PPP1R18: variants seen among roughly 807,000 people sequenced by gnomAD.
PPP1R18 encodes the protein protein phosphatase 1 regulatory subunit 18, also known as phostensin.
Under a neutral mutation model 54.8 loss-of-function variants are expected in PPP1R18, and 31 were observed. The observed-to-expected ratio is 0.57, with a 90% CI of 0.43 to 0.76. The LOEUF is 0.76. PPP1R18 is among the 30% of genes least tolerant of loss of function. The pLI is 0.00. For synonymous variants in PPP1R18, 310 were observed against 320.2 expected (o/e 0.97, Z 0.34); for missense variants, 685 against 776.1 (o/e 0.88, Z 1.39).
At chr6:30,678,463 C>T (rs1433880847) in intron 2 of PPP1R18, among the ~76,000 whole-genome samples, 1 of 151,770 alleles carries the variant, frequency 6.6e-6, no homozygotes. Context: ...GCAAGCTCCG[C>T]CTCCCAGGTT....
At chr6:30,681,084 CAA>C (rs536726905) in intron 1 of PPP1R18, among the ~76,000 whole-genome samples, 929 of 76,524 alleles carry the variant, frequency 0.012, 8 homozygotes, top group South Asian at 0.08. Flanking sequence ...GACTCTGTCT[CAA>C]AAAAAAAAAA....
chr6:30,687,982 T>G (rs1771124583), upstream of PPP1R18: 1 of 152,278 alleles, frequency 6.6e-6, no homozygotes, highest in Non-Finnish European at 1.5e-5. This position sits in a 1 kb window ranked among gnomAD's most constrained non-coding sequence, Gnocchi z 7.9. Context: ...GCTCCCAGGC[T>G]CCCTCTGGCT....
chr6:30,682,425 C>T (rs576888246), intron 1 of PPP1R18, among the ~76,000 whole-genome samples: 1 of 152,212 alleles, frequency 6.6e-6, no homozygotes, highest in Admixed American at 6.5e-5. Flanking sequence ...AGCCTGCAAA[C>T]GAGTTATTTA....
Position 30,685,161 on chromosome 6 carries a change from C to G in PPP1R18, c.858G>C (p.Gly286=). ...CGRKEEWPVP[G]VAPKETAELS... Reference sequence around the variant, plus strand: ...GCTCTGCAGTCTCTTTTGGAGCTACCCCTGGAACTGGCCACTCTTCTTTTC... The same window carrying G: ...GCTCTGCAGTCTCTTTTGGAGCTACGCCTGGAACTGGCCACTCTTCTTTTC... The change falls in exon 1 of 3, where the codon GGG becomes GGC. Residue 286 remains glycine, a synonymous_variant. Transcript: ENST00000274853. This position sits in a 1 kb window ranked among gnomAD's most constrained non-coding sequence, Gnocchi z 5.0. The G allele has an allele frequency of 1.2e-6, 2 of 1,613,082 alleles. No homozygotes were observed. Among genetic ancestry groups the G allele is most frequent in the Middle Eastern group, 1.6e-4 (1 of 6,062 alleles).
chr6:30,680,813 C>T (rs1185414429), intron 1 of PPP1R18, among the ~76,000 whole-genome samples: 3 of 151,936 alleles, frequency 2.0e-5, no homozygotes, highest in South Asian at 2.1e-4. Context: ...AGGCTGGGCG[C>T]GGTGGTTCAT....
chr6:30,679,139 C>T (rs1770375279), intron 2 of PPP1R18, 40 bp downstream of exon 2: 1 of 1,565,100 alleles, frequency 6.4e-7, no homozygotes, highest in Non-Finnish European at 8.7e-7. Context: ...CCCGCTCTGA[C>T]AGCAGGGGGC....
In PPP1R18 at chr6:30,683,232, C is replaced by T. The variant is rs1481988198; in HGVS notation, c.1611+1176G>A. ...AGAATGAGACTGGGCTTCCCAGGCT[C>T]TGGGGAGATGTGTGTGACTGGAGGG... On this transcript the variant is annotated intron_variant, in intron 1 of 2. Transcript: ENST00000274853. The surrounding 1 kb of genome is among the most constrained non-coding windows in gnomAD (Gnocchi z 5.1). Among the ~76,000 whole-genome samples the T allele has an allele frequency of 1.3e-5, 2 of 152,220 alleles. No individual in the cohort carries two copies. Among genetic ancestry groups the T allele is most frequent in the East Asian group, 3.9e-4 (2 of 5,192 alleles).
chr6:30,679,479 G>A, intron 1 of PPP1R18, 90 bp from the exon 2 acceptor site: 2 of 403,754 alleles, frequency 5.0e-6, no homozygotes, highest in South Asian at 2.0e-5. Flanking sequence ...GGCGGGGGGG[G>A]CGGAGTCTGC....
chr6:30,677,177 T>C lies in PPP1R18; in HGVS notation c.*92A>G. Reference sequence around the variant, plus strand: ...TGTTGGTTGCCCTTCCCTGCCAGGCTCATTATCAGGGTCTGTCTGCCCTGA... The same window carrying C: ...TGTTGGTTGCCCTTCCCTGCCAGGCCCATTATCAGGGTCTGTCTGCCCTGA... On this transcript the variant is annotated 3_prime_UTR_variant, in exon 3 of 3. Transcript: ENST00000274853. 1.6e-6 allele frequency: 2 copies of C among 1,226,268 alleles called. No individual in the cohort carries two copies. Among genetic ancestry groups the C allele is most frequent in the Non-Finnish European group, 2.4e-6 (2 of 827,432 alleles). The allele number at this position is 1,226,268 out of a possible 1,614,324, so 76.0% of individuals were successfully genotyped here. A position where few individuals can be genotyped will look rare whatever the true frequency, so the allele number is the denominator to read the frequency against.
At chr6:30,679,041 T>C in intron 2 of PPP1R18, 138 bp downstream of exon 2, 2 of 618,524 alleles carry the variant, frequency 3.2e-6, no homozygotes, top group Non-Finnish European at 5.5e-6. Context: ...TGCCCATCTG[T>C]TAAAGGAGCA....
chr6:30,683,923 T>A lies in PPP1R18; in HGVS notation c.1611+485A>T, dbSNP rs751222217. 1.3e-5 allele frequency among the ~76,000 whole-genome samples: 2 copies of A among 152,076 alleles called. No homozygotes were observed. The highest frequency in any genetic ancestry group is 2.4e-5 in the African/African-American group (1 of 41,406). ...GGACCTTTCTCCATTCACTTCTCCC[T>A]GCAGTTTCTCCCTAGAACACAAACC... On this transcript the variant is annotated intron_variant, in intron 1 of 2. Coordinates refer to ENST00000274853, the MANE Select transcript of PPP1R18 (RefSeq NM_133471.4). The surrounding 1 kb of genome is among the most constrained non-coding windows in gnomAD (Gnocchi z 5.1).
chr6:30,677,253 C>G lies in PPP1R18; in HGVS notation c.*16G>C, dbSNP rs777912123. ...TTATAAGAAGGAGGGAGGTATATCC[C>G]TATGTTGGAAGATGGTCACCGCCGG... On this transcript the variant is annotated 3_prime_UTR_variant, in exon 3 of 3. Coordinates refer to ENST00000274853, the MANE Select transcript of PPP1R18 (RefSeq NM_133471.4). 2 of 1,602,458 alleles carry G rather than the reference C, an allele frequency of 1.2e-6. No homozygotes were observed. Among genetic ancestry groups the G allele is most frequent in the Non-Finnish European group, 1.7e-6 (2 of 1,174,484 alleles).
upstream of PPP1R18, chr6:30,686,841 C>T (rs1268548350): frequency 6.6e-6 from 1 of 152,050 alleles, no homozygotes; most frequent in African/African-American, 2.4e-5. Context: ...TGTCCTGTCA[C>T]CACCGCCTGC....
At chr6:30,687,435 T>G (rs1771058524), upstream of PPP1R18, 1 of 152,706 alleles carries the variant, frequency 6.5e-6, no homozygotes, top group South Asian at 2.1e-4. This position sits in a 1 kb window ranked among gnomAD's most constrained non-coding sequence, Gnocchi z 7.9. Flanking sequence ...CAACCACTGG[T>G]CCTCCGCTCT....
chr6:30,687,320 A>C (rs1771046717), upstream of PPP1R18: 3 of 153,092 alleles, frequency 2.0e-5, no homozygotes, highest in Non-Finnish European at 4.4e-5. The surrounding 1 kb of genome is among the most constrained non-coding windows in gnomAD (Gnocchi z 7.9). Flanking sequence ...GTCTAAGGAC[A>C]ATGAGGAGAG....
In PPP1R18 at chr6:30,676,423, A is replaced by C. The variant is rs1333674506; in HGVS notation, c.*846T>G. On this transcript the variant is annotated 3_prime_UTR_variant, in exon 3 of 3. Coordinates refer to ENST00000274853, the MANE Select transcript of PPP1R18 (RefSeq NM_133471.4). The stretch of plus-strand genomic sequence containing the variant: ...ACTCCATTTTATTATGGAAAGTTAA[A>C]AAACAAACAAAACAAAACAGGCAAT... 1.3e-5 allele frequency: 2 copies of C among 152,224 alleles called. No homozygotes were observed. The highest frequency in any genetic ancestry group is 4.8e-5 in the African/African-American group (2 of 41,448). The allele number at this position is 152,224 out of a possible 1,614,324, so 9.4% of individuals were successfully genotyped here.
In PPP1R18 at chr6:30,684,305, T is replaced by C. The variant is rs138959403; in HGVS notation, c.1611+103A>G. On this transcript the variant is annotated intron_variant, in intron 1 of 2. Transcript: ENST00000274853. This position sits in a 1 kb window ranked among gnomAD's most constrained non-coding sequence, Gnocchi z 6.0. ...GGTGGCAGGAATTAACAAGAAAGAA[T>C]AGAGGAAGACAAGAAAACAGGGGTA... The C allele has an allele frequency of 1.4e-4, 167 of 1,183,450 alleles. 1 individual carries two copies. The highest frequency in any genetic ancestry group is 6.2e-4 in the Admixed American group (23 of 37,396). 73.3% of individuals were successfully genotyped at this position (1,183,450 alleles called of 1,614,324 possible). A position where few individuals can be genotyped will look rare whatever the true frequency, so the allele number is the denominator to read the frequency against.
chr6:30,682,549 AG>A (rs1770605001), intron 1 of PPP1R18, among the ~76,000 whole-genome samples: 1 of 152,094 alleles, frequency 6.6e-6, no homozygotes, highest in African/African-American at 2.4e-5. Context: ...GGTTGCTGAC[AG>A]GGGGTAGAGG....
At position 30,686,255 on chromosome 6, in the gene PPP1R18, G is replaced by T; in HGVS notation, c.-237C>A. ...AAGTTGTGAGCCCAAGTTGGGGGTG[G>T]TGGGGGTGATGTGAGAGGAAGAGTC... On this transcript the variant is annotated 5_prime_UTR_variant, in exon 1 of 3. Coordinates refer to ENST00000274853, the MANE Select transcript of PPP1R18 (RefSeq NM_133471.4). The T allele has an allele frequency of 1.9e-6, 1 of 519,872 alleles. No homozygotes were observed. The highest frequency in any genetic ancestry group is 3.1e-5 in the East Asian group (1 of 31,922). 32.2% of individuals were successfully genotyped at this position (519,872 alleles called of 1,614,324 possible).
Sources: gnomAD v4.1 joint callset for allele counts (sites outside exome capture counted in the v4.1 genomes callset) on GRCh38, gnomAD v4.1.1 for gene constraint, Gnocchi (gnomAD v3.1) non-coding constraint, MANE v1.5 for transcripts, NCBI Gene and HGNC (gene_info 2026-07-23, HGNC 2026-07-21) for gene names.